Variants in SETD1B observed in about 807,000 individuals in gnomAD.
The protein encoded by SETD1B is histone-lysine N-methyltransferase SETD1B.
SETD1B carries 7 observed loss-of-function variants against 148.0 expected under a neutral mutation model. The ratio of observed to expected loss-of-function variants is 0.05; its 90% CI spans 0.03 to 0.09. SETD1B has a LOEUF of 0.09. SETD1B is among the 10% of genes least tolerant of loss of function. SETD1B has a pLI of 1.00. For synonymous variants in SETD1B, 1,361 were observed against 1,186.5 expected (o/e 1.15, Z -3.02); for missense variants, 2,155 against 2,729.9 (o/e 0.79, Z 4.69).
intron 12 of SETD1B, among the ~76,000 whole-genome samples, chr12:121,824,384 C>T (rs1876737748): frequency 6.6e-6 from 1 of 152,218 alleles, no homozygotes; most frequent in African/African-American, 2.4e-5. Flanking sequence ...CCATGGCTCA[C>T]AGCTGTAATC....
chr12:121,825,450 G>C, intron 13 of SETD1B, 84 bp downstream of exon 13: 2 of 1,368,928 alleles, frequency 1.5e-6, no homozygotes, highest in Admixed American at 2.3e-5. Context: ...GTGCCAGGCA[G>C]AGGGAGGAGT....
At chr12:121,799,890 C>T (rs1335808057), upstream of SETD1B, 2 of 152,272 alleles carry the variant, frequency 1.3e-5, no homozygotes, top group Non-Finnish European at 2.9e-5. Context: ...CTGCCCCTGC[C>T]GTTGACAGAA....
At position 121,810,188 on chromosome 12, in the gene SETD1B, A is replaced by T; in HGVS notation, c.1243A>T (p.Thr415Ser). ...AHFPPPPEEPTATAAFGARDS... is the reference protein window; with the variant it reads ...AHFPPPPEEPSATAAFGARDS... ...CTTCCCTCCACCCCCGGAAGAGCCC[A>T]CCGCCACAGCCGCTTTTGGGGCCCG... The change falls in exon 6 of 17, where the codon ACC becomes TCC. Residue 415 changes from threonine (T) to serine (S), a missense_variant. Thr to Ser is a moderately conservative substitution (Grantham distance 58, BLOSUM62 1). Transcript: ENST00000604567. This position sits in a 1 kb window ranked among gnomAD's most constrained non-coding sequence, Gnocchi z 7.6. 1.9e-6 allele frequency: 3 copies of T among 1,549,260 alleles called. No homozygotes were observed. Among genetic ancestry groups the T allele is most frequent in the Non-Finnish European group, 2.6e-6 (3 of 1,146,664 alleles).
chr12:121,826,560 G>A (rs1439146784), intron 13 of SETD1B, among the ~76,000 whole-genome samples: 1 of 152,194 alleles, frequency 6.6e-6, no homozygotes, highest in Non-Finnish European at 1.5e-5. Context: ...GGGAGAGACA[G>A]CACAGGCCAC....
At chr12:121,806,667 A>G (rs1474287509) in intron 4 of SETD1B, among the ~76,000 whole-genome samples, 2 of 152,178 alleles carry the variant, frequency 1.3e-5, no homozygotes, top group African/African-American at 4.8e-5. Context: ...GGGGAAGAGC[A>G]GAGCCGGGAA....
At chr12:121,791,067 T>C in the SETD1B span, among the ~76,000 whole-genome samples, 1 of 150,886 alleles carries the variant, frequency 6.6e-6, no homozygotes, top group Non-Finnish European at 1.5e-5. Context: ...AGAGACGGGG[T>C]TTCATCATGT....
At chr12:121,813,820 C>G (rs182697885) in intron 6 of SETD1B, among the ~76,000 whole-genome samples, 9 of 152,304 alleles carry the variant, frequency 5.9e-5, no homozygotes. Flanking sequence ...GTTTGCCTGC[C>G]TCTTCAACTT....
rs760175934 is a variant in SETD1B, at chr12:121,817,406, C to T, written c.3014C>T (p.Thr1005Ile). 4 of 1,533,420 alleles carry T rather than the reference C, an allele frequency of 2.6e-6. No individual in the cohort carries two copies. Among genetic ancestry groups the T allele is most frequent in the East Asian group, 2.5e-5 (1 of 40,604 alleles). 95.0% of individuals were successfully genotyped at this position (1,533,420 alleles called of 1,614,324 possible). A position where few individuals can be genotyped will look rare whatever the true frequency, so the allele number is the denominator to read the frequency against. ...ERERDRDMAD[T>I]PCELAKRDPK... ...GAGCGAGACCGGGATATGGCAGACA[C>T]CCCCTGTGAGCTCGCCAAGCGGGAC... Residue 1005 changes from threonine (T) to isoleucine (I), a missense_variant, in exon 9 of 17, where the codon ACC becomes ATC. Coordinates refer to ENST00000604567, the MANE Select transcript of SETD1B (RefSeq NM_001353345.2). This position sits in a 1 kb window ranked among gnomAD's most constrained non-coding sequence, Gnocchi z 8.1.
chr12:121,823,367 C>A lies in SETD1B; in HGVS notation c.4788C>A (p.Pro1596=). ...LPPQPPPPPP[P]PPVEPTKLPF... is the part of the protein sequence containing the mutation. ...CCCAGCCACCCCCACCCCCACCTCC[C>A]CCACCTGTAGAGCCCACCAAGCTGC... Residue 1596 remains proline, a synonymous_variant, in exon 12 of 17, where the codon CCC becomes CCA. Transcript: ENST00000604567. 1 of 1,530,742 alleles carries A rather than the reference C, an allele frequency of 6.5e-7. No homozygotes were observed. Among genetic ancestry groups the A allele is most frequent in the Non-Finnish European group, 8.8e-7 (1 of 1,136,554 alleles). The allele number at this position is 1,530,742 out of a possible 1,614,324, so 94.8% of individuals were successfully genotyped here.
chr12:121,815,815 TTTTC>T (rs1408485841), intron 7 of SETD1B, among the ~76,000 whole-genome samples: 2 of 151,460 alleles, frequency 1.3e-5, no homozygotes, highest in South Asian at 2.1e-4. Flanking sequence ...TACTATTTTC[TTTTC>T]TTTCTTTTTT....
At chr12:121,801,808 T>C (rs1358255427), upstream of SETD1B, 1 of 152,176 alleles carries the variant, frequency 6.6e-6, no homozygotes, top group Non-Finnish European at 1.5e-5. Context: ...TGTTTACTGC[T>C]CTGGATATAG....
Position 121,805,338 on chromosome 12 carries a change from T to C in SETD1B, c.273+122T>C, listed in dbSNP as rs1875678088. 1 of 832,830 alleles carries C rather than the reference T, an allele frequency of 1.2e-6. No individual in the cohort carries two copies. The highest frequency in any genetic ancestry group is 1.6e-5 in the South Asian group (1 of 61,292). The allele number at this position is 832,830 out of a possible 1,614,324, so 51.6% of individuals were successfully genotyped here. A position where few individuals can be genotyped will look rare whatever the true frequency, so the allele number is the denominator to read the frequency against. On this transcript the variant is annotated intron_variant, in intron 3 of 16. Transcript: ENST00000604567. This position sits in a 1 kb window ranked among gnomAD's most constrained non-coding sequence, Gnocchi z 4.2. ...CCGCCGTCCGGGGCCAGGGAAGTTTTGGCGGGGAGGGGTAGAGCGCTGGCG... is the reference window on the plus strand; with the variant it reads ...CCGCCGTCCGGGGCCAGGGAAGTTTCGGCGGGGAGGGGTAGAGCGCTGGCG...
rs569634438 is a variant in SETD1B at position 121,819,852 on chromosome 12, G to A, written c.3867G>A (p.Lys1289=). 9 of 1,551,364 alleles carry A rather than the reference G, an allele frequency of 5.8e-6. No individual in the cohort carries two copies. In the East Asian group the frequency reaches 7.3e-5, roughly 13 times the overall value. Residue 1289 remains lysine (K), a synonymous_variant, in exon 11 of 17, where the codon AAG becomes AAA. Transcript: ENST00000604567. ...AMLLSPEPPA[K]EVEARPPLSP... is the part of the protein sequence containing the mutation. ...TGCTGTCTCCAGAGCCCCCTGCCAA[G>A]GAGGTGGAGGCTCGACCCCCATTGT...
chr12:121,803,014 C>CCACTCCCGGACCTTTAATAAAGAAAG, upstream of SETD1B: 1 of 151,930 alleles, frequency 6.6e-6, no homozygotes, highest in African/African-American at 2.4e-5. The surrounding 1 kb of genome is among the most constrained non-coding windows in gnomAD (Gnocchi z 4.7). Flanking sequence ...TTGGCTGCCG[C>CCACTCCCGGACCTTTAATAAAGAAAG]GCCCTGCCGC....
intron 13 of SETD1B, among the ~76,000 whole-genome samples, chr12:121,827,016 G>A (rs990724030): frequency 2.6e-5 from 4 of 152,076 alleles, no homozygotes; most frequent in Admixed American, 6.6e-5. Context: ...TCTCCGGCCC[G>A]GGGACCTAAG....
intron 11 of SETD1B, among the ~76,000 whole-genome samples, chr12:121,820,158 G>C (rs1876500844): frequency 6.6e-6 from 1 of 152,228 alleles, no homozygotes. Context: ...TGGTGGCTTG[G>C]TCCTTGGACC....
chr12:121,814,654 C>T lies in SETD1B; in HGVS notation c.2439C>T (p.Asn813=), dbSNP rs1397297299. The T allele has an allele frequency of 6.5e-7, 1 of 1,548,752 alleles. No individual in the cohort carries two copies. Among genetic ancestry groups the T allele is most frequent in the East Asian group, 2.5e-5 (1 of 40,812 alleles). ...AAASAGLQFV[N]LPPYRGPFSL... Reference sequence around the variant, plus strand: ...CCTCAGCTGGGCTCCAGTTTGTCAACCTGCCGCCCTACCGGGGCCCCTTCT... The same window carrying T: ...CCTCAGCTGGGCTCCAGTTTGTCAATCTGCCGCCCTACCGGGGCCCCTTCT... Residue 813 remains asparagine (N), a synonymous_variant, in exon 7 of 17, where the codon AAC becomes AAT. Coordinates refer to ENST00000604567, the MANE Select transcript of SETD1B (RefSeq NM_001353345.2).
chr12:121,817,840 G>A lies in SETD1B; in HGVS notation c.3354G>A (p.Glu1118=). Residue 1118 remains glutamate (E), a synonymous_variant, in exon 10 of 17, where the codon GAG becomes GAA. Transcript: ENST00000604567. The surrounding 1 kb of genome is among the most constrained non-coding windows in gnomAD (Gnocchi z 8.1). The part of the protein sequence containing the change: ...DDDSDDRDES[E]NDDEDTALSE... ...ACAGTGATGACCGGGACGAGTCTGA[G>A]AACGATGACGAGGACACAGCCCTGT... 2 of 1,551,266 alleles carry A rather than the reference G, an allele frequency of 1.3e-6. No individual in the cohort carries two copies. The highest frequency in any genetic ancestry group is 1.7e-6 in the Non-Finnish European group (2 of 1,146,810).
chr12:121,799,718 G>GGGGGGGT (rs1875209676), upstream of SETD1B: 2 of 28,294 alleles, frequency 7.1e-5, no homozygotes, highest in African/African-American at 3.0e-4. Context: ...GCTCGCAGCT[G>GGGGGGGT]GGGGGGGGGG....
Sources: gnomAD v4.1 joint callset for allele counts (sites outside exome capture counted in the v4.1 genomes callset) on GRCh38, gnomAD v4.1.1 for gene constraint, Gnocchi (gnomAD v3.1) non-coding constraint, MANE v1.5 for transcripts, NCBI Gene and HGNC (gene_info 2026-07-23, HGNC 2026-07-21) for gene names.